The following LRP6 variants were observed in gnomAD, a reference collection of about 807,000 sequenced individuals.
LRP6 encodes low-density lipoprotein receptor-related protein 6.
LRP6 carries 43 observed loss-of-function variants against 184.1 expected under a neutral mutation model. That is an observed-to-expected ratio of 0.23 (90% CI 0.18 to 0.30). The LOEUF is 0.30. LRP6 is among the 10% of genes least tolerant of loss of function. The pLI is 1.00. For synonymous variants in LRP6, 719 were observed against 684.9 expected (o/e 1.05, Z -0.78); for missense variants, 1,571 against 2,005.3 (o/e 0.78, Z 4.14).
chr12:12,260,968 C>T (rs1441554077), intron 1 of LRP6, among the ~76,000 whole-genome samples: 1 of 152,058 alleles, frequency 6.6e-6, no homozygotes, highest in African/African-American at 2.4e-5. Flanking sequence ...AAAAAATATA[C>T]GTTCTCATAA....
Position 12,266,853 on chromosome 12 carries a change from A to G in LRP6, c.-118T>C, listed in dbSNP as rs1865782183. The G allele has an allele frequency of 5.9e-6, 5 of 851,798 alleles. No homozygotes were observed. Among genetic ancestry groups the G allele is most frequent in the Middle Eastern group, 2.4e-4 (1 of 4,118 alleles). The allele number at this position is 851,798 out of a possible 1,614,324, so 52.8% of individuals were successfully genotyped here. A position where few individuals can be genotyped will look rare whatever the true frequency, so the allele number is the denominator to read the frequency against. On this transcript the variant is annotated 5_prime_UTR_variant, in exon 1 of 23. Transcript: ENST00000261349. ...GCACGCTCATACTTCCCAGCTTCCC[A>G]GCGAGAGAAGAAAGAAAGGGGCACG...
intron 12 of LRP6, among the ~76,000 whole-genome samples, chr12:12,152,169 T>C (rs1333881861): frequency 6.6e-6 from 1 of 151,862 alleles, no homozygotes; most frequent in Non-Finnish European, 1.5e-5. Flanking sequence ...TCTGAAGGGG[T>C]TCCCACTTTT....
intron 2 of LRP6, among the ~76,000 whole-genome samples, chr12:12,215,564 T>C (rs1864320719): frequency 6.6e-6 from 1 of 151,556 alleles, no homozygotes; most frequent in African/African-American, 2.4e-5. Context: ...TTGGCCAGGC[T>C]GGTCTCAAAC....
intron 2 of LRP6, among the ~76,000 whole-genome samples, chr12:12,234,306 A>AAGGCATGATGGCAC (rs1356688115): frequency 1.3e-5 from 2 of 151,748 alleles, no homozygotes; most frequent in African/African-American, 4.8e-5. Context: ...AAAAATTAGC[A>AAGGCATGATGGCAC]AGGCATGATG....
rs1316345051 is a variant in LRP6 at position 12,120,565 on chromosome 12, A to C, written c.*561T>G. On this transcript the variant is annotated 3_prime_UTR_variant, in exon 23 of 23. Coordinates refer to ENST00000261349, the MANE Select transcript of LRP6 (RefSeq NM_002336.3). ...AGAAATATCTACTTTCCTCACTAGC[A>C]CTGTTGGATTCCTAGAGAAAACAAA... 1 of 152,334 alleles carries C rather than the reference A, an allele frequency of 6.6e-6. No individual in the cohort carries two copies. Among genetic ancestry groups the C allele is most frequent in the Non-Finnish European group, 1.5e-5 (1 of 68,130 alleles). 9.4% of individuals were successfully genotyped at this position (152,334 alleles called of 1,614,324 possible).
intron 7 of LRP6, among the ~76,000 whole-genome samples, chr12:12,172,414 T>C (rs1446669758): frequency 2.6e-5 from 4 of 152,238 alleles, no homozygotes. Context: ...AAGACAGGAC[T>C]GCCCATGCAA....
At chr12:12,149,860 C>T (rs1950058820) in intron 13 of LRP6, among the ~76,000 whole-genome samples, 2 of 152,206 alleles carry the variant, frequency 1.3e-5, no homozygotes, top group Non-Finnish European at 2.9e-5. Context: ...CTGTATCTTA[C>T]TGGTATCTCT....
At chr12:12,254,190 T>C (rs971447538) in intron 1 of LRP6, among the ~76,000 whole-genome samples, 1 of 141,776 alleles carries the variant, frequency 7.1e-6, no homozygotes, top group Non-Finnish European at 1.5e-5. Flanking sequence ...GGAAAACTAC[T>C]ACGCCAGGTA....
At chr12:12,215,519 G>C (rs1016781923) in intron 2 of LRP6, among the ~76,000 whole-genome samples, 21 of 151,642 alleles carry the variant, frequency 1.4e-4, no homozygotes, top group African/African-American at 4.8e-4. Flanking sequence ...TCTGCCTCCC[G>C]AGTTCAAACA....
intron 2 of LRP6, among the ~76,000 whole-genome samples, chr12:12,216,415 AG>A (rs1864345134): frequency 6.6e-6 from 1 of 152,162 alleles, no homozygotes; most frequent in African/African-American, 2.4e-5. Context: ...GAAAAATATG[AG>A]GGCCTGAAAA....
intron 7 of LRP6, among the ~76,000 whole-genome samples, chr12:12,168,823 G>C (rs1006598500): frequency 6.6e-6 from 1 of 151,998 alleles, no homozygotes; most frequent in Non-Finnish European, 1.5e-5. Flanking sequence ...AATTCAGACT[G>C]TTTTTGTCTT....
chr12:12,150,056 CTT>C lies in LRP6; in HGVS notation c.2994+778_2994+779del, dbSNP rs1392048950. ...GACATAGTGAAAAACGGTACTCTAA[CTT>C]CCCTAAATTTTAATACATTCAAGAT... On this transcript the variant is annotated intron_variant, in intron 13 of 22. Transcript: ENST00000261349. Among the ~76,000 whole-genome samples, 3 of 152,132 alleles carry C rather than the reference CTT, an allele frequency of 2.0e-5. 1 individual carries two copies. In the South Asian group the frequency reaches 6.2e-4, roughly 31 times the overall value.
At chr12:12,180,026 G>A in intron 6 of LRP6, 45 bp from the exon 7 acceptor site, 1 of 1,498,372 alleles carries the variant, frequency 6.7e-7, no homozygotes, top group East Asian at 2.3e-5. Context: ...ATAATAAAAT[G>A]TAACTTTCAG....
At chr12:12,225,880 A>AAT in intron 2 of LRP6, among the ~76,000 whole-genome samples, 1 of 152,024 alleles carries the variant, frequency 6.6e-6, no homozygotes, top group East Asian at 1.9e-4. Flanking sequence ...TCAAAAAAAA[A>AAT]AAAAAAGAGA....
intron 7 of LRP6, among the ~76,000 whole-genome samples, chr12:12,169,337 T>C (rs969631000): frequency 6.6e-6 from 1 of 152,068 alleles, no homozygotes; most frequent in Non-Finnish European, 1.5e-5. Flanking sequence ...ACCAAATCAA[T>C]TAACAAAAGC....
Position 12,127,022 on chromosome 12 carries a change from C to G in LRP6, c.4082-101G>C. On this transcript the variant is annotated intron_variant, in intron 19 of 22. Coordinates refer to ENST00000261349, the MANE Select transcript of LRP6 (RefSeq NM_002336.3). ...TGCTAATAGGATGTGAAGCTATAAG[C>G]CTAATGAAGATAATTCATAAACACT... 1.7e-5 allele frequency: 16 copies of G among 953,988 alleles called. 2 individuals carry two copies. In the South Asian group the frequency reaches 2.2e-4, roughly 13 times the overall value. 59.1% of individuals were successfully genotyped at this position (953,988 alleles called of 1,614,324 possible).
Position 12,130,840 on chromosome 12 carries a change from G to C in LRP6, c.4024C>G (p.His1342Asp). Residue 1342 changes from histidine to aspartate, a missense_variant, in exon 19 of 23, where the codon CAC becomes GAC. Transcript: ENST00000261349. ...RCANGQCIGKHKKCDHNVDCS... is the reference protein window; with the variant it reads ...RCANGQCIGKDKKCDHNVDCS... ...TCCACATTATGATCACACTTCTTGT[G>C]CTTTCCAATGCACTGACCATTGGCA... 6.2e-7 allele frequency: 1 copy of C among 1,613,636 alleles called. No individual in the cohort carries two copies. Among genetic ancestry groups the C allele is most frequent in the Non-Finnish European group, 8.5e-7 (1 of 1,179,666 alleles).
chr12:12,237,247 G>A (rs1864950959), intron 2 of LRP6, among the ~76,000 whole-genome samples: 1 of 151,942 alleles, frequency 6.6e-6, no homozygotes, highest in Non-Finnish European at 1.5e-5. Flanking sequence ...AAGAACCAGG[G>A]GACTGAGACC....
chr12:12,147,218 G>T (rs891966366), intron 15 of LRP6, 148 bp downstream of exon 15: 2 of 763,026 alleles, frequency 2.6e-6, no homozygotes, highest in Non-Finnish European at 2.2e-6. Flanking sequence ...TGAAGAAAAA[G>T]CTCTTCACCA....
Sources: allele counts gnomAD v4.1 joint callset (sites outside exome capture counted in the v4.1 genomes callset), GRCh38; gene constraint gnomAD v4.1.1; transcripts MANE v1.5; gene names NCBI Gene and HGNC (gene_info 2026-07-23, HGNC 2026-07-21).